SH3RF1: variants seen among roughly 807,000 people sequenced by gnomAD.
The protein encoded by SH3RF1 is SH3 domain containing ring finger 1, also known as E3 ubiquitin-protein ligase SH3RF1.
SH3RF1 carries 32 observed loss-of-function variants against 74.0 expected under a neutral mutation model. The ratio of observed to expected loss-of-function variants is 0.43; its 90% CI spans 0.33 to 0.58. SH3RF1 has a LOEUF of 0.58. Among genes scored for constraint, SH3RF1 ranks in the 20% least tolerant of loss-of-function variants. The pLI is 0.05. For synonymous variants in SH3RF1, 396 were observed against 439.6 expected, an observed-to-expected ratio of 0.90 and a Z score of 1.24; for missense variants, 954 against 1,130.9, an observed-to-expected ratio of 0.84 and a Z score of 2.24.
At chr4:169,245,379 CA>C (rs1730978408) in intron 2 of SH3RF1, among the ~76,000 whole-genome samples, 1 of 152,144 alleles carries the variant, frequency 6.6e-6, no homozygotes, top group Non-Finnish European at 1.5e-5. Context: ...CAAGTCACAA[CA>C]AAAGCCATGT....
intron 2 of SH3RF1, among the ~76,000 whole-genome samples, chr4:169,213,308 T>C (rs1441916256): frequency 6.6e-6 from 1 of 152,256 alleles, no homozygotes; most frequent in East Asian, 1.9e-4. Flanking sequence ...ATATGCCATA[T>C]GTATATCTAC....
At chr4:169,213,083 T>C (rs1193427611) in intron 2 of SH3RF1, among the ~76,000 whole-genome samples, 1 of 152,088 alleles carries the variant, frequency 6.6e-6, no homozygotes, top group African/African-American at 2.4e-5. Context: ...ATAGTAAGAG[T>C]ATGTTTCGTT....
intron 2 of SH3RF1, among the ~76,000 whole-genome samples, chr4:169,248,902 C>A (rs966713099): frequency 1.3e-5 from 2 of 152,116 alleles, no homozygotes; most frequent in African/African-American, 4.8e-5. Context: ...CAGGTGTTGC[C>A]AATGTGATGG....
intron 4 of SH3RF1, among the ~76,000 whole-genome samples, chr4:169,139,527 T>C (rs1733751077): frequency 6.6e-6 from 1 of 152,224 alleles, no homozygotes; most frequent in Non-Finnish European, 1.5e-5. Context: ...ACATGTGGGT[T>C]TTCTTTCCTC....
intron 9 of SH3RF1, among the ~76,000 whole-genome samples, chr4:169,117,244 T>C (rs917219415): frequency 1.3e-5 from 2 of 152,154 alleles, no homozygotes; most frequent in African/African-American, 4.8e-5. Flanking sequence ...TTTGAGATCA[T>C]ATGATCTCAA....
intron 2 of SH3RF1, among the ~76,000 whole-genome samples, chr4:169,195,166 G>T (rs1734789424): frequency 1.3e-5 from 2 of 152,008 alleles, no homozygotes; most frequent in Admixed American, 1.3e-4. Context: ...TCTCATACTT[G>T]AAGAATATGG....
intron 2 of SH3RF1, among the ~76,000 whole-genome samples, chr4:169,186,397 T>A (rs1233850588): frequency 6.6e-6 from 1 of 152,060 alleles, no homozygotes; most frequent in Non-Finnish European, 1.5e-5. Flanking sequence ...TCCCACTTTA[T>A]AAAACTGGTA....
At chr4:169,115,355 C>T (rs1002940914) in intron 10 of SH3RF1, among the ~76,000 whole-genome samples, 3 of 152,166 alleles carry the variant, frequency 2.0e-5, no homozygotes, top group African/African-American at 7.2e-5. Flanking sequence ...TCTGTATTTA[C>T]AGCCGCTCCC....
At chr4:169,266,820 T>C (rs1579171953) in intron 2 of SH3RF1, among the ~76,000 whole-genome samples, 1 of 152,206 alleles carries the variant, frequency 6.6e-6, no homozygotes, top group East Asian at 1.9e-4. Context: ...AAAAAGGCTG[T>C]TCTTTTTCTA....
chr4:169,181,093 T>C (rs535720830), intron 2 of SH3RF1, among the ~76,000 whole-genome samples: 2 of 152,168 alleles, frequency 1.3e-5, no homozygotes, highest in South Asian at 4.2e-4. Context: ...AAAATTCGAA[T>C]GTTCTTAGAC....
At chr4:169,157,254 A>AG (rs1734074386) in intron 2 of SH3RF1, among the ~76,000 whole-genome samples, 1 of 152,158 alleles carries the variant, frequency 6.6e-6, no homozygotes, top group South Asian at 2.1e-4. Flanking sequence ...GTATTTAATG[A>AG]GGGTCTACTC....
intron 2 of SH3RF1, among the ~76,000 whole-genome samples, chr4:169,163,309 G>GT (rs964407023): frequency 4.6e-5 from 7 of 151,244 alleles, no homozygotes; most frequent in Non-Finnish European, 1.0e-4. Context: ...TTCATTAAAT[G>GT]TTTTTTTCTA....
At chr4:169,142,709 C>T (rs1733806798) in intron 4 of SH3RF1, among the ~76,000 whole-genome samples, 1 of 152,156 alleles carries the variant, frequency 6.6e-6, no homozygotes, top group African/African-American at 2.4e-5. Context: ...ATGTTCCTTC[C>T]CCAGATAAGT....
intron 2 of SH3RF1, among the ~76,000 whole-genome samples, chr4:169,216,242 T>C (rs891616784): frequency 4.0e-5 from 6 of 151,762 alleles, no homozygotes; most frequent in Non-Finnish European, 5.9e-5. Flanking sequence ...AAAAAAGAAA[T>C]AAAGAAATAA....
chr4:169,224,031 T>G (rs1020632433), intron 2 of SH3RF1, among the ~76,000 whole-genome samples: 1 of 152,240 alleles, frequency 6.6e-6, no homozygotes, highest in Non-Finnish European at 1.5e-5. Context: ...CATTGACATT[T>G]GGGGCAGAAT....
At chr4:169,144,272 A>G (rs1208107712) in intron 4 of SH3RF1, among the ~76,000 whole-genome samples, 1 of 152,210 alleles carries the variant, frequency 6.6e-6, no homozygotes, top group East Asian at 1.9e-4. Context: ...TATGCCTCCC[A>G]TTTCTCATTT....
At chr4:169,165,640 G>T (rs189928777) in intron 2 of SH3RF1, among the ~76,000 whole-genome samples, 28 of 132,464 alleles carry the variant, frequency 2.1e-4, no homozygotes, top group Admixed American at 1.4e-3. Context: ...AAAAAGGCGG[G>T]GGGGGGAGTC....
At chr4:169,157,255 G>A (rs1734074348) in intron 2 of SH3RF1, among the ~76,000 whole-genome samples, 1 of 152,126 alleles carries the variant, frequency 6.6e-6, no homozygotes, top group African/African-American at 2.4e-5. Context: ...TATTTAATGA[G>A]GGTCTACTCC....
intron 4 of SH3RF1, among the ~76,000 whole-genome samples, chr4:169,137,603 C>T (rs988680848): frequency 5.9e-5 from 9 of 152,178 alleles, no homozygotes; most frequent in South Asian, 2.1e-4. Context: ...CTCGGCATTA[C>T]ACATTGGGCA....
Sources: gnomAD v4.1 joint callset for allele counts (sites outside exome capture counted in the v4.1 genomes callset) on GRCh38, gnomAD v4.1.1 for gene constraint, MANE v1.5 for transcripts, NCBI Gene and HGNC (gene_info 2026-07-23, HGNC 2026-07-21) for gene names.